DCC: variants seen among roughly 807,000 people sequenced by gnomAD.
DCC encodes the protein DCC netrin 1 receptor.
In DCC, 58 loss-of-function variants were observed where a neutral mutation model predicts 172.5. That is an observed-to-expected ratio of 0.34 (90% CI 0.27 to 0.42). The LOEUF is 0.42. Ranked by LOEUF, DCC falls within the 10% of genes least tolerant of loss-of-function variation. DCC has a pLI of 1.00. For missense variants in DCC, 1,740 were observed against 1,791.0 expected (o/e 0.97, Z 0.51); for synonymous variants, 709 against 644.5 (o/e 1.10, Z -1.52).
At chr18:52,571,313 T>A (rs1470900693) in intron 1 of DCC, among the ~76,000 whole-genome samples, 1 of 147,304 alleles carries the variant, frequency 6.8e-6, no homozygotes, top group Non-Finnish European at 1.5e-5. Flanking sequence ...CCTCTATGGG[T>A]GGGGGAATCA....
At chr18:53,232,652 G>A (rs775109525) in intron 12 of DCC, among the ~76,000 whole-genome samples, 1 of 152,126 alleles carries the variant, frequency 6.6e-6, no homozygotes, top group Non-Finnish European at 1.5e-5. Context: ...AAGGTTAGTT[G>A]TACACCTGGA....
chr18:53,075,555 T>C (rs2042714388), intron 7 of DCC, among the ~76,000 whole-genome samples: 1 of 152,070 alleles, frequency 6.6e-6, no homozygotes. Context: ...TTTTTTTTTT[T>C]TTTTTTAGCT....
chr18:52,613,402 C>A (rs1176017971), intron 1 of DCC, among the ~76,000 whole-genome samples: 1 of 151,922 alleles, frequency 6.6e-6, no homozygotes, highest in East Asian at 1.9e-4. Context: ...ACTACAGGCA[C>A]CCGCCACCAC....
intron 1 of DCC, among the ~76,000 whole-genome samples, chr18:52,449,848 A>G (rs1988246242): frequency 6.6e-6 from 1 of 152,188 alleles, no homozygotes. Flanking sequence ...ACCTGCCACC[A>G]TGTAAGACAT....
At chr18:53,473,367 A>T (rs1410397779) in intron 25 of DCC, among the ~76,000 whole-genome samples, 1 of 152,224 alleles carries the variant, frequency 6.6e-6, no homozygotes, top group Non-Finnish European at 1.5e-5. Flanking sequence ...GTCGAATGAA[A>T]AAACAAATAA....
chr18:52,753,532 G>A (rs1426883634), intron 2 of DCC, among the ~76,000 whole-genome samples: 1 of 152,034 alleles, frequency 6.6e-6, no homozygotes, highest in African/African-American at 2.4e-5. Context: ...TTTTTTTGTT[G>A]TGGGGCCTTA....
At chr18:53,061,053 T>C (rs1409354740) in intron 5 of DCC, among the ~76,000 whole-genome samples, 3 of 152,174 alleles carry the variant, frequency 2.0e-5, no homozygotes, top group African/African-American at 7.2e-5. Context: ...TATTGTAATA[T>C]ATTTTTGCAT....
chr18:52,713,563 C>A (rs11872135), intron 1 of DCC, among the ~76,000 whole-genome samples: 5,264 of 152,224 alleles, frequency 0.035, 143 homozygotes, highest in East Asian at 0.082. Flanking sequence ...AGGGCAGCCC[C>A]CATGCACTTG....
chr18:53,345,690 T>G (rs1277756460), intron 15 of DCC, among the ~76,000 whole-genome samples: 1 of 152,114 alleles, frequency 6.6e-6, no homozygotes, highest in East Asian at 1.9e-4. Context: ...TTGCTTTATC[T>G]GAAAATATCT....
At chr18:52,861,665 TA>T (rs34302516) in intron 2 of DCC, among the ~76,000 whole-genome samples, 34,945 of 152,040 alleles carry the variant, frequency 0.23, 4,721 homozygotes, top group Admixed American at 0.32. Context: ...AAAAATCATT[TA>T]AAAAAAGCGT....
intron 27 of DCC, chr18:53,505,258 A>C (rs560286699): frequency 6.6e-6 from 1 of 152,318 alleles, no homozygotes; most frequent in South Asian, 2.1e-4. Context: ...CCTCTACGGT[A>C]AGGCAGGAAG....
chr18:52,810,422 T>C (rs901951418), intron 2 of DCC, among the ~76,000 whole-genome samples: 1 of 152,180 alleles, frequency 6.6e-6, no homozygotes, highest in African/African-American at 2.4e-5. Flanking sequence ...CTTATACCAA[T>C]CTGGCAGTTC....
intron 1 of DCC, among the ~76,000 whole-genome samples, chr18:52,380,223 A>C (rs1985526914): frequency 6.6e-6 from 1 of 152,106 alleles, no homozygotes; most frequent in South Asian, 2.1e-4. Flanking sequence ...AATAAAGATT[A>C]AGTTTCAACA....
chr18:53,332,691 G>T lies in DCC; in HGVS notation c.2165-7022G>T, dbSNP rs73465100. On this transcript the variant is annotated intron_variant, in intron 14 of 28. Transcript: ENST00000442544. The stretch of plus-strand genomic sequence containing the variant: ...AATTAATAATGAGAGATTGGGGGAG[G>T]GCTTGACTATAAAGGGGCAGCCTAA... Among the ~76,000 whole-genome samples, 281 of 152,108 alleles carry T rather than the reference G, an allele frequency of 1.8e-3. 2 individuals carry two copies. The highest frequency in any genetic ancestry group is 6.4e-3 in the African/African-American group (266 of 41,500).
intron 1 of DCC, among the ~76,000 whole-genome samples, chr18:52,402,914 A>G (rs1304502608): frequency 6.6e-6 from 1 of 152,112 alleles, no homozygotes; most frequent in Middle Eastern, 3.4e-3. Context: ...ATCCTACAGG[A>G]TTATTATTAA....
intron 5 of DCC, among the ~76,000 whole-genome samples, chr18:52,959,207 A>G (rs1253140622): frequency 6.6e-6 from 1 of 152,148 alleles, no homozygotes; most frequent in Non-Finnish European, 1.5e-5. Flanking sequence ...GAAAGAGAGT[A>G]AAAACAGAGT....
At chr18:52,410,807 G>A (rs1177218715) in intron 1 of DCC, among the ~76,000 whole-genome samples, 5 of 152,008 alleles carry the variant, frequency 3.3e-5, no homozygotes. Context: ...GAAGCATATG[G>A]GTAAGATTAA....
At chr18:52,981,848 A>G (rs1036022939) in intron 5 of DCC, among the ~76,000 whole-genome samples, 1 of 152,192 alleles carries the variant, frequency 6.6e-6, no homozygotes, top group African/African-American at 2.4e-5. Context: ...GAGTAATGAA[A>G]AATAAACAGT....
At chr18:52,395,578 A>C (rs77673522) in intron 1 of DCC, among the ~76,000 whole-genome samples, 1,927 of 152,154 alleles carry the variant, frequency 0.013, 37 homozygotes, top group African/African-American at 0.044. Context: ...GGAGTGACAC[A>C]GTTTTAAAGG....
Sources: gnomAD v4.1 joint callset for allele counts (sites outside exome capture counted in the v4.1 genomes callset) on GRCh38, gnomAD v4.1.1 for gene constraint, MANE v1.5 for transcripts, NCBI Gene and HGNC (gene_info 2026-07-23, HGNC 2026-07-21) for gene names.